Variants in VRK1 observed in about 807,000 individuals in gnomAD.
VRK1 encodes serine/threonine-protein kinase VRK1.
In VRK1, 33 loss-of-function variants were observed where a neutral mutation model predicts 57.1. That is an observed-to-expected ratio of 0.58 (90% CI 0.44 to 0.77). The LOEUF (loss-of-function observed/expected upper bound fraction) is 0.77. VRK1 is among the 30% of genes least tolerant of loss of function. VRK1 has a pLI of 0.00. For missense variants in VRK1, 413 were observed against 477.3 expected, an observed-to-expected ratio of 0.87 and a Z score of 1.25; for synonymous variants, 137 against 147.8, an observed-to-expected ratio of 0.93 and a Z score of 0.53.
chr14:96,867,782 A>G (rs1888643841), intron 11 of VRK1, among the ~76,000 whole-genome samples: 1 of 151,898 alleles, frequency 6.6e-6, no homozygotes, highest in Non-Finnish European at 1.5e-5. Context: ...CCCATTTGTT[A>G]CATCTGTTTT....
At chr14:96,879,787 G>A (rs1330428383) in intron 12 of VRK1, among the ~76,000 whole-genome samples, 2 of 151,814 alleles carry the variant, frequency 1.3e-5, no homozygotes, top group Admixed American at 1.3e-4. Flanking sequence ...AAATTACCTG[G>A]GCGTGGTGAC....
intron 1 of VRK1, among the ~76,000 whole-genome samples, chr14:96,828,696 A>G (rs938971099): frequency 1.3e-5 from 2 of 151,654 alleles, no homozygotes; most frequent in Non-Finnish European, 2.9e-5. Context: ...TTTTTTTTCT[A>G]GGAAGGTTGT....
intron 12 of VRK1, among the ~76,000 whole-genome samples, chr14:96,876,478 T>A (rs1889036348): frequency 6.6e-6 from 1 of 152,124 alleles, no homozygotes; most frequent in South Asian, 2.1e-4. Flanking sequence ...GAGTCCAGTC[T>A]GGGCAACATA....
intron 3 of VRK1, among the ~76,000 whole-genome samples, chr14:96,842,291 C>G (rs1201642160): frequency 1.3e-5 from 2 of 152,146 alleles, no homozygotes; most frequent in African/African-American, 4.8e-5. Context: ...TTACAACTTT[C>G]TAATATTAAT....
At chr14:96,817,680 C>T (rs552729296) in intron 1 of VRK1, among the ~76,000 whole-genome samples, 1 of 152,100 alleles carries the variant, frequency 6.6e-6, no homozygotes, top group South Asian at 2.1e-4. Context: ...TAGTGAACAT[C>T]CAGAGAATTA....
chr14:96,837,677 A>T, intron 2 of VRK1, 85 bp from the exon 3 acceptor site: 2 of 781,502 alleles, frequency 2.6e-6, no homozygotes, highest in Non-Finnish European at 1.9e-6. Context: ...GTATTCTATC[A>T]AGGGTTACAG....
chr14:96,876,927 A>G (rs1163876445), intron 12 of VRK1, among the ~76,000 whole-genome samples: 1 of 152,162 alleles, frequency 6.6e-6, no homozygotes, highest in East Asian at 1.9e-4. Context: ...GCTAGGTTGG[A>G]CTTTGGTCTG....
chr14:96,841,832 C>T (rs1185808142), intron 3 of VRK1, among the ~76,000 whole-genome samples: 1 of 145,374 alleles, frequency 6.9e-6, no homozygotes, highest in African/African-American at 2.6e-5. Flanking sequence ...GAGACTCTAT[C>T]TCAAAAAAAA....
At chr14:96,800,412 A>G (rs1885613202) in intron 1 of VRK1, among the ~76,000 whole-genome samples, 1 of 152,178 alleles carries the variant, frequency 6.6e-6, no homozygotes, top group African/African-American at 2.4e-5. Context: ...ACATATGGGC[A>G]ACACTTTAAA....
At chr14:96,829,634 C>T (rs1051925397) in intron 1 of VRK1, among the ~76,000 whole-genome samples, 3 of 152,144 alleles carry the variant, frequency 2.0e-5, no homozygotes, top group African/African-American at 7.2e-5. Flanking sequence ...CATAATTACT[C>T]ATTTGCATCA....
chr14:96,798,581 T>C (rs967048894), intron 1 of VRK1, among the ~76,000 whole-genome samples: 4 of 152,230 alleles, frequency 2.6e-5, no homozygotes, highest in African/African-American at 7.2e-5. Context: ...TCTTCTTCTT[T>C]TTTTTTAAAC....
intron 10 of VRK1, among the ~76,000 whole-genome samples, chr14:96,857,195 A>G (rs1888197109): frequency 6.6e-6 from 1 of 152,188 alleles, no homozygotes; most frequent in Non-Finnish European, 1.5e-5. Flanking sequence ...TAAACACATG[A>G]GCAAAATTTA....
At chr14:96,872,586 C>T (rs1888866401) in intron 11 of VRK1, among the ~76,000 whole-genome samples, 1 of 152,180 alleles carries the variant, frequency 6.6e-6, no homozygotes, top group African/African-American at 2.4e-5. Context: ...ACATAGGAGA[C>T]CGCATAGTGC....
intron 1 of VRK1, among the ~76,000 whole-genome samples, chr14:96,812,674 C>T (rs1304086663): frequency 1.2e-4 from 18 of 151,936 alleles, no homozygotes; most frequent in African/African-American, 4.1e-4. Context: ...TCTTTTTCTT[C>T]CATTTTGTTC....
In VRK1 at chr14:96,875,986, G is replaced by T; in HGVS notation, c.1069-44G>T. ...TATGTGATGAGTTTGTAGTTTACTT[G>T]ACTGTCAGATATCTCTCTCTCTCTC... On this transcript the variant is annotated intron_variant, in intron 11 of 12. Coordinates refer to ENST00000216639, the MANE Select transcript of VRK1 (RefSeq NM_003384.3). The T allele has an allele frequency of 1.9e-6, 3 of 1,594,330 alleles. No individual in the cohort carries two copies. In the South Asian group the frequency reaches 3.3e-5, roughly 18 times the overall value.
intron 11 of VRK1, among the ~76,000 whole-genome samples, chr14:96,869,471 G>A (rs1888726099): frequency 6.6e-6 from 1 of 152,152 alleles, no homozygotes; most frequent in Non-Finnish European, 1.5e-5. Context: ...GAGTATGTGT[G>A]TTAAAATAGG....
At chr14:96,855,972 T>C (rs1489764846) in intron 8 of VRK1, among the ~76,000 whole-genome samples, 158 bp from the exon 9 acceptor site, 1 of 152,242 alleles carries the variant, frequency 6.6e-6, no homozygotes, top group Non-Finnish European at 1.5e-5. Context: ...TCTTTTATAC[T>C]GTCCAATGTT....
chr14:96,867,456 A>AGTGTGTGTGTGT (rs34415863), intron 11 of VRK1, among the ~76,000 whole-genome samples: 15 of 148,492 alleles, frequency 1.0e-4, no homozygotes, highest in African/African-American at 3.7e-4. Flanking sequence ...TCTGTGCACA[A>AGTGTGTGTGTGT]GTGTGTGTGT....
At chr14:96,849,028 T>G (rs1887834800) in intron 5 of VRK1, among the ~76,000 whole-genome samples, 1 of 152,030 alleles carries the variant, frequency 6.6e-6, no homozygotes, top group African/African-American at 2.4e-5. Flanking sequence ...AGAGGGCATG[T>G]GTGTAAGAGA....
Sources: gnomAD v4.1 joint callset for allele counts (sites outside exome capture counted in the v4.1 genomes callset) on GRCh38, gnomAD v4.1.1 for gene constraint, MANE v1.5 for transcripts, NCBI Gene and HGNC (gene_info 2026-07-23, HGNC 2026-07-21) for gene names.